Variants in CSMD1 observed in about 807,000 individuals in gnomAD.
CSMD1 encodes CUB and sushi domain-containing protein 1.
CSMD1 carries 213 observed loss-of-function variants against 417.5 expected under a neutral mutation model. The ratio of observed to expected loss-of-function variants is 0.51; its 90% CI spans 0.46 to 0.57. CSMD1 has a LOEUF of 0.57. Ranked by LOEUF, CSMD1 falls within the 20% of genes least tolerant of loss-of-function variation. CSMD1 has a pLI of 0.00. For missense variants in CSMD1, 6,923 were observed against 4,529.7 expected (o/e 1.53, Z -15.17); for synonymous variants, 2,862 against 1,736.8 (o/e 1.65, Z -16.11).
intron 17 of CSMD1, among the ~76,000 whole-genome samples, chr8:3,391,988 C>G (rs1811375501): frequency 1.3e-5 from 2 of 151,768 alleles, no homozygotes; most frequent in South Asian, 4.2e-4. Context: ...CCATCATTCT[C>G]AGCAAACTAT....
intron 3 of CSMD1, among the ~76,000 whole-genome samples, chr8:4,293,643 G>A (rs1448000716): frequency 6.6e-6 from 1 of 152,100 alleles, no homozygotes; most frequent in African/African-American, 2.4e-5. Flanking sequence ...GTAAGACACA[G>A]CAGTCTCTTA....
At chr8:3,942,175 T>A (rs1372491724) in intron 5 of CSMD1, among the ~76,000 whole-genome samples, 1 of 151,924 alleles carries the variant, frequency 6.6e-6, no homozygotes, top group African/African-American at 2.4e-5. Flanking sequence ...GAAAACAAGG[T>A]GTGGGCTCCC....
Position 3,108,681 on chromosome 8 carries a change from A to G in CSMD1, c.6676T>C (p.Tyr2226His). 6.2e-7 allele frequency: 1 copy of G among 1,613,766 alleles called. No individual in the cohort carries two copies. The highest frequency in any genetic ancestry group is 1.1e-5 in the South Asian group (1 of 90,984). The change falls in exon 44 of 70, where the codon TAT becomes CAT. Residue 2226 changes from tyrosine to histidine, a missense_variant. Tyr to His is a moderately conservative substitution (Grantham distance 83). Transcript: ENST00000635120. ...AGCAGGACTTGGTTGGTGGAGCTAT[A>G]CGCCGTTTCGAGGGCTGTGTTGCCA... ...FSGNTALETA[Y>H]SSTNQVLLKF...
intron 51 of CSMD1, among the ~76,000 whole-genome samples, chr8:3,020,602 G>A (rs1809285218): frequency 6.6e-6 from 1 of 152,078 alleles, no homozygotes; most frequent in Non-Finnish European, 1.5e-5. Flanking sequence ...TGGAACTCCT[G>A]GGCTCAGGCG....
chr8:4,203,628 G>T (rs1222149567), intron 3 of CSMD1, among the ~76,000 whole-genome samples: 1 of 152,124 alleles, frequency 6.6e-6, no homozygotes, highest in Non-Finnish European at 1.5e-5. Context: ...ATGTATGGCT[G>T]GGGGTGGACA....
chr8:3,556,389 A>ATT (rs1446015509), intron 10 of CSMD1, among the ~76,000 whole-genome samples: 8 of 118,626 alleles, frequency 6.7e-5, no homozygotes, highest in African/African-American at 2.4e-4. Flanking sequence ...ATTTATAATA[A>ATT]TTAATATATA....
chr8:4,871,961 T>C (rs571766534), intron 1 of CSMD1, among the ~76,000 whole-genome samples: 3 of 152,114 alleles, frequency 2.0e-5, no homozygotes, highest in Admixed American at 1.3e-4. Context: ...GGACCAAGCA[T>C]AGGTGACAGC....
chr8:4,368,187 G>A, intron 3 of CSMD1, among the ~76,000 whole-genome samples: 1 of 152,096 alleles, frequency 6.6e-6, no homozygotes. Context: ...AATTTGTTGA[G>A]GGTTTTTAAC....
At chr8:3,679,142 C>G (rs1472371735) in intron 7 of CSMD1, among the ~76,000 whole-genome samples, 1 of 152,086 alleles carries the variant, frequency 6.6e-6, no homozygotes, top group East Asian at 1.9e-4. Context: ...AGCACAATAA[C>G]CAGCTAACAT....
At chr8:3,498,901 C>G (rs1470448927) in intron 10 of CSMD1, among the ~76,000 whole-genome samples, 2 of 151,832 alleles carry the variant, frequency 1.3e-5, no homozygotes, top group Non-Finnish European at 2.9e-5. Flanking sequence ...AATTGTTTTC[C>G]TACTTTTTGA....
intron 7 of CSMD1, among the ~76,000 whole-genome samples, chr8:3,669,635 G>C (rs911596746): frequency 2.0e-5 from 3 of 152,146 alleles, no homozygotes; most frequent in Non-Finnish European, 2.9e-5. Flanking sequence ...TTCGCCCGCT[G>C]GGTACATCAT....
At chr8:3,710,300 C>G (rs1801435275) in intron 6 of CSMD1, among the ~76,000 whole-genome samples, 2 of 152,112 alleles carry the variant, frequency 1.3e-5, no homozygotes, top group Admixed American at 6.5e-5. Context: ...ATAAATCTAT[C>G]TATACACACT....
At chr8:3,455,005 T>A (rs1816013133) in intron 12 of CSMD1, among the ~76,000 whole-genome samples, 1 of 152,190 alleles carries the variant, frequency 6.6e-6, no homozygotes, top group South Asian at 2.1e-4. Context: ...GAGGCTTTGT[T>A]TGTTTCTTTT....
At chr8:4,757,176 T>G (rs947083618) in intron 1 of CSMD1, among the ~76,000 whole-genome samples, 2 of 152,238 alleles carry the variant, frequency 1.3e-5, no homozygotes, top group Admixed American at 1.3e-4. Context: ...TAAACATGAC[T>G]GGATTTACTT....
At chr8:4,206,268 A>C (rs1799971736) in intron 3 of CSMD1, among the ~76,000 whole-genome samples, 1 of 152,148 alleles carries the variant, frequency 6.6e-6, no homozygotes, top group Non-Finnish European at 1.5e-5. Flanking sequence ...ATATGTATAC[A>C]TGTGCCATGT....
intron 3 of CSMD1, among the ~76,000 whole-genome samples, chr8:4,185,332 A>G (rs78989350): frequency 6.6e-6 from 1 of 152,106 alleles, no homozygotes; most frequent in Non-Finnish European, 1.5e-5. Flanking sequence ...AAGGGCTCAC[A>G]ATAGTTTTGT....
intron 2 of CSMD1, among the ~76,000 whole-genome samples, chr8:4,469,183 G>T (rs563354785): frequency 1.3e-5 from 2 of 152,260 alleles, no homozygotes; most frequent in South Asian, 2.1e-4. Flanking sequence ...CACATCAGTG[G>T]CAGGGACCTA....
At chr8:4,744,823 C>G (rs942025469) in intron 1 of CSMD1, among the ~76,000 whole-genome samples, 3 of 151,964 alleles carry the variant, frequency 2.0e-5, no homozygotes, top group African/African-American at 7.3e-5. Context: ...CATAAAACAC[C>G]CATAAGAAAG....
intron 2 of CSMD1, among the ~76,000 whole-genome samples, chr8:4,422,726 A>G (rs2062678722): frequency 6.6e-6 from 1 of 152,130 alleles, no homozygotes; most frequent in Non-Finnish European, 1.5e-5. Flanking sequence ...CCAGATAAAC[A>G]CAGAAAAAAG....
Sources: allele counts gnomAD v4.1 joint callset (sites outside exome capture counted in the v4.1 genomes callset), GRCh38; gene constraint gnomAD v4.1.1; transcripts MANE v1.5; gene names NCBI Gene and HGNC (gene_info 2026-07-23, HGNC 2026-07-21).